SEC14L1: variants seen among roughly 807,000 people sequenced by gnomAD.
SEC14L1 encodes the protein SEC14 like lipid binding 1.
SEC14L1 carries 48 observed loss-of-function variants against 85.3 expected under a neutral mutation model. The ratio of observed to expected loss-of-function variants is 0.56; its 90% CI spans 0.45 to 0.72. The LOEUF is 0.72. Ranked by LOEUF, SEC14L1 falls within the 30% of genes least tolerant of loss-of-function variation. SEC14L1 has a pLI of 0.00. For synonymous variants in SEC14L1, 391 were observed against 355.5 expected, an observed-to-expected ratio of 1.10 and a Z score of -1.12; for missense variants, 682 against 921.4, an observed-to-expected ratio of 0.74 and a Z score of 3.36.
chr17:77,159,054 A>G (rs7225075), intron 3 of SEC14L1, among the ~76,000 whole-genome samples: 150,889 of 150,902 alleles, frequency 1, 75,438 homozygotes, highest in Middle Eastern at 1. Flanking sequence ...GATCCACCCA[A>G]CTGTAGTATT....
rs1329591079 is a variant in SEC14L1, at chr17:77,101,636, T to C, written c.-136+8289T>C. 1.6e-4 allele frequency among the ~76,000 whole-genome samples: 25 copies of C among 152,200 alleles called. 1 individual carries two copies. Among genetic ancestry groups the C allele is most frequent in the Admixed American group, 1.5e-3 (23 of 15,258 alleles). ...GCAAAGGACTCCCCTGGGGATCCCATCAAAATGCAGCTTCTGGTGGTTCTG... is the reference window on the plus strand; with the variant it reads ...GCAAAGGACTCCCCTGGGGATCCCACCAAAATGCAGCTTCTGGTGGTTCTG... On this transcript the variant is annotated intron_variant, in intron 3 of 19. Transcript: ENST00000392476.
intron 3 of SEC14L1, among the ~76,000 whole-genome samples, chr17:77,124,999 T>TA (rs1255372793): frequency 0.056 from 2,272 of 40,894 alleles, 22 homozygotes; most frequent in Non-Finnish European, 0.085. Context: ...TTATTATTAT[T>TA]TTTATTATTA....
intron 3 of SEC14L1, among the ~76,000 whole-genome samples, chr17:77,128,384 T>G (rs1972510672): frequency 8.0e-6 from 1 of 124,644 alleles, no homozygotes. Flanking sequence ...GCATTCACAC[T>G]TGAGCATTTT....
At chr17:77,156,040 T>G (rs541700500) in intron 3 of SEC14L1, among the ~76,000 whole-genome samples, 1 of 152,298 alleles carries the variant, frequency 6.6e-6, no homozygotes, top group African/African-American at 2.4e-5. Flanking sequence ...TTCCTAGGTA[T>G]ACCATTTTTT....
At chr17:77,185,687 A>C (rs1248043548) in intron 3 of SEC14L1, among the ~76,000 whole-genome samples, 1 of 151,946 alleles carries the variant, frequency 6.6e-6, no homozygotes, top group East Asian at 1.9e-4. Flanking sequence ...GTACAAAGCC[A>C]GTTTTTTTTG....
At chr17:77,118,321 A>G (rs1383484333) in intron 3 of SEC14L1, among the ~76,000 whole-genome samples, 1 of 152,238 alleles carries the variant, frequency 6.6e-6, no homozygotes, top group East Asian at 1.9e-4. Flanking sequence ...CTCTGAGTTT[A>G]TCTCCCAGTC....
intron 3 of SEC14L1, among the ~76,000 whole-genome samples, chr17:77,159,672 C>G (rs1437676430): frequency 6.6e-6 from 1 of 152,194 alleles, no homozygotes; most frequent in African/African-American, 2.4e-5. Flanking sequence ...AACCACCGCT[C>G]CCGGCCCTTG....
chr17:77,203,689 C>A, intron 10 of SEC14L1, 31 bp downstream of exon 10: 1 of 1,562,644 alleles, frequency 6.4e-7, no homozygotes, highest in Non-Finnish European at 8.7e-7. Flanking sequence ...CTCCAGGTGC[C>A]ACTGTGGCGT....
chr17:77,177,175 A>T (rs1231572553), intron 3 of SEC14L1, among the ~76,000 whole-genome samples: 2 of 152,006 alleles, frequency 1.3e-5, no homozygotes, highest in African/African-American at 4.8e-5. Context: ...CACATGTGAC[A>T]GTGCTGAAGG....
In SEC14L1 at chr17:77,135,833, CCT is replaced by C. The variant is rs199710502; in HGVS notation, c.-135-6800_-135-6799del. Among the ~76,000 whole-genome samples, 1,177 of 149,964 alleles carry C rather than the reference CCT, an allele frequency of 7.8e-3. 14 individuals are homozygous for C. Among genetic ancestry groups the C allele is most frequent in the African/African-American group, 0.027 (1,113 of 40,972 alleles). The stretch of plus-strand genomic sequence containing the variant: ...GCAGGCATAAGCTATGTATCTGGCG[CCT>C]CTCTCTCTCTCTTTCCTTCTTTCCT... On this transcript the variant is annotated intron_variant, in intron 3 of 19. Coordinates refer to the SEC14L1 transcript ENST00000392476.
At chr17:77,208,226 A>G (rs541104325) in intron 13 of SEC14L1, among the ~76,000 whole-genome samples, 2 of 152,350 alleles carry the variant, frequency 1.3e-5, no homozygotes, top group East Asian at 1.9e-4. Flanking sequence ...AATTACAGGC[A>G]TCATCACAGT....
At chr17:77,134,042 CAGG>C (rs1172911098) in intron 3 of SEC14L1, among the ~76,000 whole-genome samples, 3 of 150,938 alleles carry the variant, frequency 2.0e-5, no homozygotes, top group South Asian at 4.2e-4. Context: ...CTGAGGAAAA[CAGG>C]AGGAGTGCTG....
chr17:77,104,597 C>T (rs1210246538), intron 3 of SEC14L1, among the ~76,000 whole-genome samples: 1 of 149,894 alleles, frequency 6.7e-6, no homozygotes, highest in African/African-American at 2.4e-5. Flanking sequence ...CAAGACCATC[C>T]TGGCCAAGAT....
chr17:77,154,909 A>G (rs1198380959), intron 3 of SEC14L1, among the ~76,000 whole-genome samples: 1 of 151,596 alleles, frequency 6.6e-6, no homozygotes, highest in Non-Finnish European at 1.5e-5. Flanking sequence ...TCTGATCTGG[A>G]CTTTCTTTAT....
rs73998615 is a variant in SEC14L1 at position 77,114,987 on chromosome 17, A to G, written c.-136+21640A>G. Reference sequence around the variant, plus strand: ...AGAACTGTTTTCTTGTTTTGCCTTTAGTCATTTACTTGAACCACTCCAGAA... The same window carrying G: ...AGAACTGTTTTCTTGTTTTGCCTTTGGTCATTTACTTGAACCACTCCAGAA... On this transcript the variant is annotated intron_variant, in intron 3 of 19. Coordinates refer to the SEC14L1 transcript ENST00000392476. Among the ~76,000 whole-genome samples the G allele has an allele frequency of 3.1e-3, 477 of 152,140 alleles. 5 individuals carry two copies. The highest frequency in any genetic ancestry group is 0.01 in the African/African-American group (434 of 41,488).
intron 3 of SEC14L1, among the ~76,000 whole-genome samples, chr17:77,153,510 C>T (rs1245719468): frequency 1.3e-5 from 2 of 152,092 alleles, no homozygotes; most frequent in East Asian, 1.9e-4. Flanking sequence ...TAAACTAGGC[C>T]ATTCTATTTA....
intron 8 of SEC14L1, among the ~76,000 whole-genome samples, chr17:77,198,576 CTTT>C (rs1254638220): frequency 4.9e-5 from 7 of 141,802 alleles, no homozygotes; most frequent in Admixed American, 7.1e-5. Flanking sequence ...TATGAGATCT[CTTT>C]TTTTTTTTTT....
Position 77,213,844 on chromosome 17 carries a change from C to T in SEC14L1, c.2043-74C>T. On this transcript the variant is annotated intron_variant, in intron 16 of 16. Coordinates refer to ENST00000436233, the MANE Select transcript of SEC14L1 (RefSeq NM_001143998.2). The surrounding 1 kb of genome is among the most constrained non-coding windows in gnomAD (Gnocchi z 7.1). ...CAGAGAACAGGGTGGGCCACGAAGTCCAGCAGGCAGTGTGGGCCGGCGGGT... is the reference window on the plus strand; with the variant it reads ...CAGAGAACAGGGTGGGCCACGAAGTTCAGCAGGCAGTGTGGGCCGGCGGGT... The T allele has an allele frequency of 6.4e-7, 1 of 1,574,248 alleles. No individual in the cohort carries two copies. Among genetic ancestry groups the T allele is most frequent in the Non-Finnish European group, 8.7e-7 (1 of 1,145,512 alleles).
intron 3 of SEC14L1, among the ~76,000 whole-genome samples, chr17:77,156,609 A>AG (rs1221852856): frequency 2.0e-5 from 3 of 150,634 alleles, no homozygotes; most frequent in Non-Finnish European, 3.0e-5. Context: ...TGAAGAGTAG[A>AG]GGGTCTTGCA....
Sources: gnomAD v4.1 joint callset for allele counts (sites outside exome capture counted in the v4.1 genomes callset) on GRCh38, gnomAD v4.1.1 for gene constraint, Gnocchi (gnomAD v3.1) non-coding constraint, MANE v1.5 for transcripts, NCBI Gene and HGNC (gene_info 2026-07-23, HGNC 2026-07-21) for gene names.